The following FGD4 variants were observed in gnomAD, a reference collection of about 807,000 sequenced individuals.
FGD4 encodes the protein FYVE, RhoGEF and PH domain containing 4.
Under a neutral mutation model 102.0 loss-of-function variants are expected in FGD4, and 42 were observed. That is an observed-to-expected ratio of 0.41 (90% CI 0.32 to 0.53). The LOEUF (loss-of-function observed/expected upper bound fraction) is 0.53. FGD4 is among the 20% of genes least tolerant of loss of function. The pLI is 0.21. For synonymous variants in FGD4, 380 were observed against 375.7 expected (o/e 1.01, Z -0.13); for missense variants, 902 against 1,078.2 (o/e 0.84, Z 2.29).
At chr12:32,612,179 G>T (rs1001936912) in intron 10 of FGD4, among the ~76,000 whole-genome samples, 1 of 152,358 alleles carries the variant, frequency 6.6e-6, no homozygotes, top group East Asian at 1.9e-4. Context: ...CCCAGTGCCA[G>T]CAGTGGAAGC....
intron 1 of FGD4, among the ~76,000 whole-genome samples, chr12:32,529,066 A>C (rs959792502): frequency 6.6e-6 from 1 of 152,226 alleles, no homozygotes; most frequent in African/African-American, 2.4e-5. Flanking sequence ...TACGTTCAAG[A>C]ATTTCTATGC....
At position 32,486,981 on chromosome 12, in the gene FGD4, T is replaced by C. The variant is rs1470492670; in HGVS notation, c.167-77156T>C. Among the ~76,000 whole-genome samples the C allele has an allele frequency of 3.3e-5, 5 of 152,212 alleles. No individual in the cohort carries two copies. The East Asian group carries it at 9.6e-4, about 29-fold the overall frequency. On this transcript the variant is annotated intron_variant, in intron 1 of 16. Transcript: ENST00000534526. Reference sequence around the variant, plus strand: ...ACTGAGGCTATACTGTTTATGGATTTTGAATTATACTTCTCCCTCTGACCC... The same window carrying C: ...ACTGAGGCTATACTGTTTATGGATTCTGAATTATACTTCTCCCTCTGACCC...
intron 5 of FGD4, chr12:32,600,361 C>T: frequency 1.2e-6 from 1 of 809,440 alleles, no homozygotes; most frequent in South Asian, 1.4e-5. Flanking sequence ...AGTAACCTAA[C>T]TATTGGAGCC....
intron 14 of FGD4, among the ~76,000 whole-genome samples, chr12:32,628,086 G>A (rs1043355503): frequency 2.0e-5 from 3 of 152,186 alleles, no homozygotes; most frequent in Admixed American, 6.5e-5. Flanking sequence ...ACTGCACAGC[G>A]CTGGCAGCAG....
chr12:32,602,753 T>C (rs900646851), intron 7 of FGD4, among the ~76,000 whole-genome samples: 3 of 152,250 alleles, frequency 2.0e-5, no homozygotes, highest in Non-Finnish European at 2.9e-5. Flanking sequence ...TAACATACTT[T>C]AATAATACCA....
chr12:32,555,196 TC>T (rs2136216511), intron 1 of FGD4, among the ~76,000 whole-genome samples: 1 of 152,352 alleles, frequency 6.6e-6, no homozygotes, highest in South Asian at 2.1e-4. Context: ...CACCAGGATT[TC>T]CTGGTGAATA....
Position 32,559,414 on chromosome 12 carries a change from T to C in FGD4, c.167-4723T>C, listed in dbSNP as rs190670393. 1.4e-3 allele frequency among the ~76,000 whole-genome samples: 218 copies of C among 152,354 alleles called. 1 individual carries two copies. Among genetic ancestry groups the C allele is most frequent in the South Asian group, 9.3e-3 (45 of 4,828 alleles). On this transcript the variant is annotated intron_variant, in intron 1 of 16. Transcript: ENST00000534526. The stretch of plus-strand genomic sequence containing the variant: ...GCCTTGCAGCCACGTATGATCTCTA[T>C]GTATTTGTCATTGCCTTTTTGTTTT...
intron 11 of FGD4, among the ~76,000 whole-genome samples, chr12:32,623,589 A>T (rs1239758125): frequency 6.6e-6 from 1 of 152,106 alleles, no homozygotes; most frequent in East Asian, 1.9e-4. Flanking sequence ...AACTCAACTT[A>T]GCCCCTCTAC....
intron 4 of FGD4, among the ~76,000 whole-genome samples, chr12:32,588,508 C>T (rs1257172529): frequency 3.9e-5 from 6 of 152,146 alleles, no homozygotes; most frequent in Non-Finnish European, 5.9e-5. Flanking sequence ...GACCACAGCA[C>T]GGAGGTAGCT....
At chr12:32,453,223 ATAGATATATATATAT>A (rs1244661289) in intron 1 of FGD4, among the ~76,000 whole-genome samples, 2,147 of 53,938 alleles carry the variant, frequency 0.04, 78 homozygotes, top group Admixed American at 0.14. Flanking sequence ...TATATATAAT[ATAGATATATATATAT>A]TTTTTTTTTT....
intron 1 of FGD4, among the ~76,000 whole-genome samples, chr12:32,464,445 G>A (rs1030146704): frequency 2.6e-5 from 4 of 152,078 alleles, no homozygotes; most frequent in South Asian, 4.1e-4. Flanking sequence ...GAGCCATTGC[G>A]CCCGGCCTAG....
At chr12:32,409,587 T>A (rs1941114826) in intron 1 of FGD4, among the ~76,000 whole-genome samples, 1 of 151,950 alleles carries the variant, frequency 6.6e-6, no homozygotes, top group Non-Finnish European at 1.5e-5. Context: ...GTGCCCAGCC[T>A]CCCCCCAGTA....
chr12:32,474,439 A>G (rs1943531864), intron 1 of FGD4, among the ~76,000 whole-genome samples: 2 of 152,240 alleles, frequency 1.3e-5, no homozygotes, highest in Non-Finnish European at 2.9e-5. Context: ...ACTCCTACCT[A>G]CAACATGGAT....
chr12:32,495,984 C>A (rs1937794338), intron 1 of FGD4, among the ~76,000 whole-genome samples: 1 of 152,130 alleles, frequency 6.6e-6, no homozygotes. Flanking sequence ...ATACTTTATT[C>A]TTTCTGGGGT....
intron 1 of FGD4, among the ~76,000 whole-genome samples, chr12:32,513,935 T>C (rs1478329870): frequency 1.3e-5 from 2 of 152,228 alleles, no homozygotes; most frequent in African/African-American, 4.8e-5. Flanking sequence ...AGAAATCCAA[T>C]ATATTCATAG....
At chr12:32,561,512 A>T (rs7975080) in intron 1 of FGD4, among the ~76,000 whole-genome samples, 4,398 of 152,148 alleles carry the variant, frequency 0.029, 234 homozygotes, top group African/African-American at 0.1. Context: ...ATTAAGGCTT[A>T]AAAAAATCTC....
At chr12:32,624,916 A>G (rs577764278) in intron 12 of FGD4, 60 bp from the exon 13 acceptor site, 123 of 1,347,346 alleles carry the variant, frequency 9.1e-5, no homozygotes, top group Non-Finnish European at 1.3e-4. Context: ...TTGATAAAGT[A>G]TATTCATTGG....
chr12:32,418,466 G>A (rs796393992), intron 1 of FGD4, among the ~76,000 whole-genome samples: 49 of 152,230 alleles, frequency 3.2e-4, no homozygotes, highest in African/African-American at 1.1e-3. Flanking sequence ...CCGACTTATA[G>A]AGGTACCACC....
chr12:32,553,726 T>C (rs1359545671), intron 1 of FGD4, among the ~76,000 whole-genome samples: 1 of 152,240 alleles, frequency 6.6e-6, no homozygotes, highest in Non-Finnish European at 1.5e-5. Flanking sequence ...TCTTTAATTT[T>C]AGGTAGCATT....
Sources: allele counts gnomAD v4.1 joint callset (sites outside exome capture counted in the v4.1 genomes callset), GRCh38; gene constraint gnomAD v4.1.1; transcripts MANE v1.5; gene names NCBI Gene and HGNC (gene_info 2026-07-23, HGNC 2026-07-21).